Variants in SEL1L2 observed in about 807,000 individuals in gnomAD.
SEL1L2 encodes the protein protein sel-1 homolog 2.
Under a neutral mutation model 98.8 loss-of-function variants are expected in SEL1L2, and 89 were observed. The ratio of observed to expected loss-of-function variants is 0.90; its 90% CI spans 0.76 to 1.07. The LOEUF is 1.07. SEL1L2 is among the 50% of genes least tolerant of loss of function. The probability of loss-of-function intolerance (pLI) is 0.00; values close to 1 mark genes in which losing one functional copy is unlikely to be tolerated. For missense variants in SEL1L2, 788 were observed against 812.0 expected (o/e 0.97, Z 0.36); for synonymous variants, 262 against 278.5 (o/e 0.94, Z 0.59).
At chr20:13,862,253 T>C (rs1272463276) in intron 17 of SEL1L2, among the ~76,000 whole-genome samples, 1 of 152,192 alleles carries the variant, frequency 6.6e-6, no homozygotes, top group Non-Finnish European at 1.5e-5. Flanking sequence ...AAAAAACTCA[T>C]GTGACTTTTT....
At chr20:13,916,813 G>T (rs1485522377) in intron 4 of SEL1L2, among the ~76,000 whole-genome samples, 4 of 152,020 alleles carry the variant, frequency 2.6e-5, no homozygotes, top group African/African-American at 9.7e-5. Flanking sequence ...CTCAAAAAAA[G>T]GTGGCGGGGG....
chr20:13,939,035 G>GTTTT lies in SEL1L2; in HGVS notation c.115-7268_115-7265dup, dbSNP rs779584914. 4.4e-3 allele frequency among the ~76,000 whole-genome samples: 137 copies of GTTTT among 31,432 alleles called. 2 individuals are homozygous for GTTTT. The highest frequency in any genetic ancestry group is 5.6e-3 in the Non-Finnish European group (88 of 15,634). 20.6% of individuals were successfully genotyped at this position (31,432 alleles called of 152,430 possible). ...TTTTTTCTTTTTGGTTTGTTTGCTTGTTTTGTTTTTTTTTTTTTTTTTTTC... is the reference window on the plus strand; with the variant it reads ...TTTTTTCTTTTTGGTTTGTTTGCTTGTTTTTTTTGTTTTTTTTTTTTTTTTTTTC... On this transcript the variant is annotated intron_variant, in intron 2 of 19. Coordinates refer to ENST00000284951, the MANE Select transcript of SEL1L2 (RefSeq NM_025229.2).
At chr20:13,956,232 G>A (rs2050536598) in intron 1 of SEL1L2, 101 bp from the exon 2 acceptor site, 1 of 608,794 alleles carries the variant, frequency 1.6e-6, no homozygotes, top group East Asian at 3.1e-5. Flanking sequence ...AAAACTTTTA[G>A]AACTCTAAGA....
rs189707863 is a variant in SEL1L2, at chr20:13,852,355, G to C, written c.1819-2036C>G. ...TTTGCAGTGTGTGTGGGGCTGGGGG[G>C]TGATGTGAAAGCCTTTCTTTAAAAT... On this transcript the variant is annotated intron_variant, in intron 18 of 19. Transcript: ENST00000284951. 6.2e-3 allele frequency among the ~76,000 whole-genome samples: 937 copies of C among 152,278 alleles called. 7 individuals are homozygous for C. Among genetic ancestry groups the C allele is most frequent in the Non-Finnish European group, 0.01 (714 of 68,038 alleles).
intron 14 of SEL1L2, among the ~76,000 whole-genome samples, chr20:13,868,957 A>G (rs1399505286): frequency 6.8e-6 from 1 of 146,670 alleles, no homozygotes; most frequent in Non-Finnish European, 1.5e-5. Context: ...CCATTCATTT[A>G]CTCTTCCTTG....
At chr20:13,878,833 C>G (rs941713118) in intron 10 of SEL1L2, among the ~76,000 whole-genome samples, 7 of 152,116 alleles carry the variant, frequency 4.6e-5, no homozygotes, top group Admixed American at 2.0e-4. Flanking sequence ...TACATTTGCT[C>G]CCTAGCAATG....
chr20:13,943,889 G>A lies in SEL1L2; in HGVS notation c.115-12118C>T, dbSNP rs115223516. Among the ~76,000 whole-genome samples the A allele has an allele frequency of 2.6e-4, 40 of 152,262 alleles. No homozygotes were observed. In the South Asian group the frequency reaches 6.8e-3, roughly 26 times the overall value. ...TGGGGGTGTGCATGCTGATTGGTCC[G>A]TGGGTGGGCTTGCAAAAAGCACCAC... On this transcript the variant is annotated intron_variant, in intron 2 of 19. Coordinates refer to ENST00000284951, the MANE Select transcript of SEL1L2 (RefSeq NM_025229.2).
intron 1 of SEL1L2, among the ~76,000 whole-genome samples, chr20:13,969,939 C>T (rs1349399978): frequency 6.6e-6 from 1 of 152,102 alleles, no homozygotes; most frequent in African/African-American, 2.4e-5. Context: ...GGAAGTGGTA[C>T]TCCCTTGTCA....
At chr20:13,961,393 C>A in intron 1 of SEL1L2, among the ~76,000 whole-genome samples, 1 of 152,196 alleles carries the variant, frequency 6.6e-6, no homozygotes, top group East Asian at 1.9e-4. Flanking sequence ...TCCTCCCCTT[C>A]CACTGAGATA....
At chr20:13,880,563 C>A (rs2046646833) in intron 10 of SEL1L2, among the ~76,000 whole-genome samples, 1 of 152,094 alleles carries the variant, frequency 6.6e-6, no homozygotes, top group African/African-American at 2.4e-5. Flanking sequence ...CACGAGCCAA[C>A]CTGAGTTCTT....
chr20:13,907,698 TTC>T (rs796298479), intron 5 of SEL1L2, among the ~76,000 whole-genome samples: 40 of 124,358 alleles, frequency 3.2e-4, no homozygotes, highest in South Asian at 5.6e-4. Context: ...CTTTCTTTCT[TTC>T]TCTTTCTTTC....
intron 1 of SEL1L2, among the ~76,000 whole-genome samples, chr20:13,982,825 A>G (rs949818459): frequency 9.2e-5 from 14 of 151,482 alleles, no homozygotes; most frequent in Non-Finnish European, 1.8e-4. Context: ...GGAGACTGAG[A>G]CCATCCTGGC....
At chr20:13,962,179 G>A (rs187043148) in intron 1 of SEL1L2, among the ~76,000 whole-genome samples, 1 of 152,268 alleles carries the variant, frequency 6.6e-6, no homozygotes, top group African/African-American at 2.4e-5. Context: ...TTACAACAAT[G>A]GCCCCCAGGG....
At position 13,928,721 on chromosome 20, in the gene SEL1L2, C is replaced by G. The variant is rs144363550; in HGVS notation, c.283+2882G>C. ...GCTAGGAGAGAATAGCTAATGAATT[C>G]GTTAATGCAATCAATAGGTTGGAAT... On this transcript the variant is annotated intron_variant, in intron 3 of 19. Transcript: ENST00000284951. Among the ~76,000 whole-genome samples, 116 of 152,220 alleles carry G rather than the reference C, an allele frequency of 7.6e-4. 1 individual carries two copies. The highest frequency in any genetic ancestry group is 2.7e-3 in the African/African-American group (114 of 41,544).
At chr20:13,929,487 CTTTTTTTTTTT>C (rs747948529) in intron 3 of SEL1L2, among the ~76,000 whole-genome samples, 25 of 73,316 alleles carry the variant, frequency 3.4e-4, no homozygotes, top group Non-Finnish European at 4.8e-4. Flanking sequence ...TTGCCTTTGC[CTTTTTTTTTTT>C]TTTTTTTTTT....
At chr20:13,930,830 G>A (rs2049111918) in intron 3 of SEL1L2, among the ~76,000 whole-genome samples, 1 of 152,028 alleles carries the variant, frequency 6.6e-6, no homozygotes, top group Non-Finnish European at 1.5e-5. Context: ...CTTATTAGCA[G>A]TGATCACTTT....
At chr20:13,911,705 TA>T (rs1186485373) in intron 5 of SEL1L2, among the ~76,000 whole-genome samples, 3 of 152,284 alleles carry the variant, frequency 2.0e-5, no homozygotes, top group East Asian at 3.9e-4. Flanking sequence ...GAAAGACATC[TA>T]TGATACATTG....
At chr20:13,917,770 C>CTTTA (rs1209342473) in intron 4 of SEL1L2, among the ~76,000 whole-genome samples, 21 of 66,704 alleles carry the variant, frequency 3.1e-4, no homozygotes, top group African/African-American at 8.0e-4. Context: ...CCCATACTTT[C>CTTTA]TTTATTTCTT....
intron 1 of SEL1L2, among the ~76,000 whole-genome samples, chr20:13,968,074 G>A (rs924381673): frequency 4.2e-4 from 64 of 152,282 alleles, no homozygotes; most frequent in African/African-American, 1.5e-3. Context: ...TCAGTGTCTT[G>A]AAAAGATATT....
Sources: gnomAD v4.1 joint callset for allele counts (sites outside exome capture counted in the v4.1 genomes callset) on GRCh38, gnomAD v4.1.1 for gene constraint, MANE v1.5 for transcripts, NCBI Gene and HGNC (gene_info 2026-07-23, HGNC 2026-07-21) for gene names.